UBE3D: variants seen among roughly 807,000 people sequenced by gnomAD.
The protein encoded by UBE3D is ubiquitin protein ligase E3D, also known as E3 ubiquitin-protein ligase E3D.
UBE3D carries 48 observed loss-of-function variants against 49.6 expected under a neutral mutation model. The observed-to-expected ratio is 0.97, with a 90% confidence interval of 0.77 to 1.23. UBE3D has a LOEUF of 1.23. Ranked by LOEUF, UBE3D falls within the 50% of genes most tolerant of loss-of-function variation. The pLI, the probability that UBE3D is intolerant of heterozygous loss-of-function variation, is 0.00. For synonymous variants in UBE3D, 189 were observed against 174.2 expected, an observed-to-expected ratio of 1.08 and a Z score of -0.67; for missense variants, 452 against 468.4, an observed-to-expected ratio of 0.96 and a Z score of 0.32.
chr6:82,937,767 C>T (rs147573662), intron 9 of UBE3D, among the ~76,000 whole-genome samples: 125 of 152,252 alleles, frequency 8.2e-4, no homozygotes, highest in Middle Eastern at 3.4e-3. Flanking sequence ...GGGGAAATTA[C>T]GGGCTGTCAG....
chr6:82,887,367 G>T, the UBE3D span, among the ~76,000 whole-genome samples: 2 of 129,740 alleles, frequency 1.5e-5, no homozygotes, highest in Admixed American at 1.5e-4. Flanking sequence ...AACAAACCCT[G>T]TATTTGGAGG....
At chr6:82,981,168 C>A (rs550374490) in intron 8 of UBE3D, among the ~76,000 whole-genome samples, 2 of 152,206 alleles carry the variant, frequency 1.3e-5, no homozygotes, top group Admixed American at 6.5e-5. Context: ...AATGAACATG[C>A]ACGTTTCTCC....
rs115307042 is a variant in UBE3D at position 82,999,109 on chromosome 6, G to C, written c.1010+19864C>G. 8.7e-3 allele frequency among the ~76,000 whole-genome samples: 1,318 copies of C among 152,138 alleles called. 20 individuals carry two copies. Among genetic ancestry groups the C allele is most frequent in the African/African-American group, 0.03 (1,237 of 41,496 alleles). ...TACCGTTATCCCTTCTCCCTCTTGT[G>C]CCTCCTCCCTCTTTACTCCTATCTT... is the stretch of plus-strand genomic sequence containing the variant. On this transcript the variant is annotated intron_variant, in intron 8 of 9. Coordinates refer to ENST00000369747, the MANE Select transcript of UBE3D (RefSeq NM_198920.3).
chr6:82,906,569 A>G (rs1396483193), intron 9 of UBE3D, among the ~76,000 whole-genome samples: 13 of 152,148 alleles, frequency 8.5e-5, no homozygotes, highest in Admixed American at 7.9e-4. Flanking sequence ...TTCTTATCTC[A>G]GACATAGAAT....
chr6:83,028,804 T>C (rs1383116859), intron 5 of UBE3D, among the ~76,000 whole-genome samples: 1 of 152,226 alleles, frequency 6.6e-6, no homozygotes, highest in Non-Finnish European at 1.5e-5. Flanking sequence ...GCAGGTACGA[T>C]AGGAATCCAT....
At chr6:82,909,724 T>C (rs1173660692) in intron 9 of UBE3D, among the ~76,000 whole-genome samples, 7 of 152,240 alleles carry the variant, frequency 4.6e-5, no homozygotes. Flanking sequence ...AGTTTTGTAC[T>C]TGTCTGTCAC....
intron 8 of UBE3D, among the ~76,000 whole-genome samples, chr6:82,996,743 G>A (rs542379203): frequency 2.0e-5 from 3 of 152,298 alleles, no homozygotes; most frequent in Admixed American, 1.3e-4. Flanking sequence ...CATCAGGCAT[G>A]AAGGGATATA....
intron 8 of UBE3D, among the ~76,000 whole-genome samples, chr6:83,005,831 T>TA (rs1051655417): frequency 1.3e-5 from 2 of 152,144 alleles, no homozygotes; most frequent in African/African-American, 2.4e-5. Flanking sequence ...TCCTGTCACA[T>TA]ACTACTATGT....
intron 9 of UBE3D, among the ~76,000 whole-genome samples, chr6:82,945,112 C>A (rs191756710): frequency 3.9e-5 from 6 of 152,312 alleles, no homozygotes; most frequent in African/African-American, 1.4e-4. Flanking sequence ...GGGCCTTGAG[C>A]AAACATAGGT....
At chr6:82,997,579 C>T (rs997711618) in intron 8 of UBE3D, among the ~76,000 whole-genome samples, 45 of 152,076 alleles carry the variant, frequency 3.0e-4, no homozygotes, top group African/African-American at 1.0e-3. Flanking sequence ...ATTAGCCAGG[C>T]ATGGTGGCGG....
At chr6:82,922,199 C>T (rs1420530807) in intron 9 of UBE3D, among the ~76,000 whole-genome samples, 1 of 152,124 alleles carries the variant, frequency 6.6e-6, no homozygotes. Context: ...ATTATTGAAA[C>T]TTATTCCAGA....
At chr6:83,053,879 G>A (rs1783635142) in intron 3 of UBE3D, among the ~76,000 whole-genome samples, 1 of 152,158 alleles carries the variant, frequency 6.6e-6, no homozygotes, top group African/African-American at 2.4e-5. Context: ...CAGGAGGGAG[G>A]TGCTTCAGTG....
chr6:83,022,084 C>G (rs1427664513), intron 7 of UBE3D, among the ~76,000 whole-genome samples: 1 of 151,644 alleles, frequency 6.6e-6, no homozygotes, highest in Non-Finnish European at 1.5e-5. Context: ...TTGAGTGCAG[C>G]GGCACCATCT....
intron 8 of UBE3D, among the ~76,000 whole-genome samples, chr6:82,985,821 T>C (rs1253593434): frequency 6.6e-6 from 1 of 152,168 alleles, no homozygotes; most frequent in Non-Finnish European, 1.5e-5. Flanking sequence ...ACCTTTCCTA[T>C]GTATTATGTT....
Position 83,023,972 on chromosome 6 carries a change from G to A in UBE3D, c.734C>T (p.Pro245Leu). 1 of 1,516,810 alleles carries A rather than the reference G, an allele frequency of 6.6e-7. No homozygotes were observed. Among genetic ancestry groups the A allele is most frequent in the South Asian group, 1.3e-5 (1 of 74,940 alleles). 94.0% of individuals were successfully genotyped at this position (1,516,810 alleles called of 1,614,324 possible). A position where few individuals can be genotyped will look rare whatever the true frequency, so the allele number is the denominator to read the frequency against. The change falls in exon 6 of 10, where the codon CCA becomes CTA. Residue 245 changes from proline (P) to leucine (L), a missense_variant. Pro to Leu is a moderately conservative substitution (Grantham distance 98). Transcript: ENST00000369747. ...AAATGTAATTTGCTATTTGTACCTT[G>A]GTATGATAGGAAAACTCCTCTCAGA... ...QSSERSFPII[P>L]RSWFVQSVIA...
At chr6:83,034,117 A>T (rs867026327) in intron 5 of UBE3D, among the ~76,000 whole-genome samples, 2 of 152,164 alleles carry the variant, frequency 1.3e-5, no homozygotes, top group African/African-American at 4.8e-5. Context: ...CCAGTTTTGT[A>T]CATGTTTTCT....
intron 3 of UBE3D, among the ~76,000 whole-genome samples, chr6:83,053,315 G>A (rs1243722114): frequency 6.6e-6 from 1 of 152,194 alleles, no homozygotes; most frequent in East Asian, 1.9e-4. Context: ...AGAGAAGCAG[G>A]TTTCAGACAG....
downstream of UBE3D, among the ~76,000 whole-genome samples, chr6:82,889,746 T>C (rs182740635): frequency 3.9e-4 from 60 of 152,178 alleles, no homozygotes; most frequent in Non-Finnish European, 5.9e-4. Context: ...TCCATGAGAA[T>C]GTAAGCTCGA....
the UBE3D span, among the ~76,000 whole-genome samples, chr6:82,886,181 G>T: frequency 6.6e-6 from 1 of 152,210 alleles, no homozygotes; most frequent in Admixed American, 6.5e-5. Flanking sequence ...GGTAGCCTTT[G>T]CTTACGTAAG....
Sources: gnomAD v4.1 joint callset for allele counts (sites outside exome capture counted in the v4.1 genomes callset) on GRCh38, gnomAD v4.1.1 for gene constraint, MANE v1.5 for transcripts, NCBI Gene and HGNC (gene_info 2026-07-23, HGNC 2026-07-21) for gene names.